Variants in ARSF observed in about 807,000 individuals in gnomAD.
ARSF encodes arylsulfatase F.
ARSF carries 33 observed loss-of-function variants against 35.4 expected under a neutral mutation model. The observed-to-expected ratio is 0.93, with a 90% confidence interval of 0.71 to 1.25. The LOEUF (loss-of-function observed/expected upper bound fraction) is 1.25, where lower values mean the gene tolerates loss of function less well. Ranked by LOEUF, ARSF falls within the 50% of genes most tolerant of loss-of-function variation. The pLI, the probability that ARSF is intolerant of heterozygous loss-of-function variation, is 0.00. For synonymous variants in ARSF, 222 were observed against 193.1 expected, an observed-to-expected ratio of 1.15 and a Z score of -1.24; for missense variants, 501 against 480.2, an observed-to-expected ratio of 1.04 and a Z score of -0.40.
chrX:3,093,027 G>A (rs867558093), intron 7 of ARSF, among the ~76,000 whole-genome samples: 15 of 106,355 alleles, frequency 1.4e-4, no homozygotes, highest in Admixed American at 3.9e-4. Flanking sequence ...AAACACATCC[G>A]TGGTGGCGGG....
intron 9 of ARSF, among the ~76,000 whole-genome samples, chrX:3,108,899 G>A (rs1283796225): frequency 9.1e-6 from 1 of 110,410 alleles, no homozygotes; most frequent in Non-Finnish European, 1.9e-5. Flanking sequence ...GCCTGTAATC[G>A]CAGCTACTCA....
At chrX:3,096,779 G>A (rs1003633589) in intron 7 of ARSF, among the ~76,000 whole-genome samples, 5 of 110,034 alleles carry the variant, frequency 4.5e-5, no homozygotes, top group African/African-American at 1.6e-4. Flanking sequence ...AGGGGTGAAA[G>A]GTGTTGGGGA....
At chrX:3,068,134 T>C (rs1461376427) in intron 2 of ARSF, 23 bp downstream of exon 2, 1 of 1,188,871 alleles carries the variant, frequency 8.4e-7, no homozygotes, top group Admixed American at 2.2e-5. Context: ...ATATACTGCA[T>C]TGTGAGCACA....
At chrX:3,093,404 T>C (rs1263011609) in intron 7 of ARSF, among the ~76,000 whole-genome samples, 2 of 111,215 alleles carry the variant, frequency 1.8e-5, no homozygotes, top group African/African-American at 6.5e-5. Flanking sequence ...TCAGCCCTTG[T>C]CCCCCACCTT....
At chrX:3,044,018 C>A (rs1233626391) in intron 1 of ARSF, among the ~76,000 whole-genome samples, 1 of 111,290 alleles carries the variant, frequency 9.0e-6, no homozygotes, top group Non-Finnish European at 1.9e-5. Context: ...CAGTCCTGAG[C>A]TCAAGCGATC....
intron 9 of ARSF, among the ~76,000 whole-genome samples, chrX:3,109,045 C>T (rs2090427450): frequency 9.0e-6 from 1 of 111,219 alleles, no homozygotes; most frequent in African/African-American, 3.3e-5. Context: ...CCTGGCTGGG[C>T]GCGGTGGCTC....
At chrX:3,108,400 T>G (rs1023603957) in intron 9 of ARSF, among the ~76,000 whole-genome samples, 3 of 112,237 alleles carry the variant, frequency 2.7e-5, no homozygotes, top group African/African-American at 9.7e-5. Flanking sequence ...ATTGATGTCT[T>G]AAAAAACTTT....
At chrX:3,080,529 T>C (rs1286424540) in intron 4 of ARSF, among the ~76,000 whole-genome samples, 2 of 110,348 alleles carry the variant, frequency 1.8e-5, no homozygotes, top group South Asian at 3.9e-4. Flanking sequence ...AAAAATACCA[T>C]AGACTGGGAG....
At chrX:3,072,771 C>T (rs1170301493) in intron 3 of ARSF, among the ~76,000 whole-genome samples, 2 of 106,950 alleles carry the variant, frequency 1.9e-5, no homozygotes, top group East Asian at 5.8e-4. Flanking sequence ...ATATAAATGT[C>T]ATTATATAAA....
chrX:3,080,912 G>A lies in ARSF; in HGVS notation c.305G>A (p.Arg102Lys), dbSNP rs2147509528. 8.3e-7 allele frequency: 1 copy of A among 1,211,417 alleles called. No individual in the cohort carries two copies. Among genetic ancestry groups the A allele is most frequent in the Non-Finnish European group, 1.1e-6 (1 of 895,316 alleles). ...IRSGMVSSGNRRVIQNLAVPA... is the reference protein window; with the variant it reads ...IRSGMVSSGNKRVIQNLAVPA... ...CTAGGTATGGTTTCTAGTGGTAATA[G>A]ACGTGTCATCCAAAATCTTGCAGTC... is the stretch of plus-strand genomic sequence containing the variant. The change falls in exon 5 of 11, where the codon AGA becomes AAA. Residue 102 changes from arginine (R) to lysine (K), a missense_variant. Arg to Lys is a conservative substitution (Grantham distance 26). Transcript: ENST00000381127.
At chrX:3,074,807 C>T (rs1233068626) in intron 3 of ARSF, among the ~76,000 whole-genome samples, 1 of 111,037 alleles carries the variant, frequency 9.0e-6, no homozygotes, top group Non-Finnish European at 1.9e-5. Context: ...AGGATTTATT[C>T]ACGTTTGGCT....
At chrX:3,054,875 A>G (rs1251896515) in intron 1 of ARSF, among the ~76,000 whole-genome samples, 1 of 108,282 alleles carries the variant, frequency 9.2e-6, no homozygotes, top group African/African-American at 3.4e-5. Context: ...CTAGGATTAC[A>G]GGCATGTGCC....
chrX:3,084,219 ATG>A (rs1190482273), intron 5 of ARSF, 22 bp from the exon 6 acceptor site: 4 of 1,202,515 alleles, frequency 3.3e-6, no homozygotes, highest in Non-Finnish European at 4.5e-6. Context: ...TGATGCGTAG[ATG>A]TGTTTGTGTG....
At chrX:3,077,290 C>A (rs2090159834) in intron 4 of ARSF, among the ~76,000 whole-genome samples, 1 of 112,265 alleles carries the variant, frequency 8.9e-6, no homozygotes, top group Non-Finnish European at 1.9e-5. Context: ...ATTAATACAA[C>A]ATGTGTTTAC....
At chrX:3,057,345 G>A (rs2090022858) in intron 1 of ARSF, among the ~76,000 whole-genome samples, 1 of 111,903 alleles carries the variant, frequency 8.9e-6, no homozygotes, top group South Asian at 3.8e-4. Flanking sequence ...TTGGTCATCT[G>A]TGATCTGCTT....
At chrX:3,069,198 G>A (rs1356460271) in intron 2 of ARSF, among the ~76,000 whole-genome samples, 6 of 111,704 alleles carry the variant, frequency 5.4e-5, no homozygotes, top group Non-Finnish European at 1.1e-4. Context: ...CAGAGTCCAC[G>A]TTTCTTTCTT....
chrX:3,064,209 T>A (rs973855771), intron 1 of ARSF, among the ~76,000 whole-genome samples: 2 of 112,181 alleles, frequency 1.8e-5, no homozygotes, highest in African/African-American at 6.5e-5. Context: ...GGGGAAAAGA[T>A]TCCCTATTTA....
intron 1 of ARSF, among the ~76,000 whole-genome samples, chrX:3,054,410 T>C (rs934296356): frequency 1.8e-5 from 2 of 111,415 alleles, no homozygotes; most frequent in African/African-American, 6.5e-5. Flanking sequence ...TTTTTTTTAA[T>C]TAAAAAATTT....
chrX:3,048,325 C>T (rs1268626874), intron 1 of ARSF, among the ~76,000 whole-genome samples: 3 of 112,369 alleles, frequency 2.7e-5, no homozygotes, highest in Non-Finnish European at 5.6e-5. Flanking sequence ...AAGCTACATA[C>T]CCCCCTCACA....
Sources: gnomAD v4.1 joint callset for allele counts (sites outside exome capture counted in the v4.1 genomes callset) on GRCh38, gnomAD v4.1.1 for gene constraint, MANE v1.5 for transcripts, NCBI Gene and HGNC (gene_info 2026-07-23, HGNC 2026-07-21) for gene names.